LAMA1: variants seen among roughly 807,000 people sequenced by gnomAD.
The protein encoded by LAMA1 is laminin subunit alpha 1.
Under a neutral mutation model 348.7 loss-of-function variants are expected in LAMA1, and 219 were observed. That is an observed-to-expected ratio of 0.63 (90% CI 0.56 to 0.70). The LOEUF (loss-of-function observed/expected upper bound fraction) is 0.70. Ranked by LOEUF, LAMA1 falls within the 30% of genes least tolerant of loss-of-function variation. The probability of loss-of-function intolerance (pLI) is 0.00; values close to 1 mark genes in which losing one functional copy is unlikely to be tolerated. For missense variants in LAMA1, 3,744 were observed against 3,888.0 expected (o/e 0.96, Z 0.99); for synonymous variants, 1,487 against 1,491.0 (o/e 1.00, Z 0.06).
At chr18:6,953,040 T>C (rs1423111174) in intron 57 of LAMA1, among the ~76,000 whole-genome samples, 1 of 144,600 alleles carries the variant, frequency 6.9e-6, no homozygotes, top group Non-Finnish European at 1.6e-5. Context: ...ATGGGAGCCA[T>C]GTCTGCCTGT....
chr18:7,029,928 GAAC>G (rs1357376619), intron 16 of LAMA1, among the ~76,000 whole-genome samples: 4 of 150,224 alleles, frequency 2.7e-5, no homozygotes, highest in African/African-American at 9.8e-5. Flanking sequence ...CCAGGGCTAT[GAAC>G]AACTACACAA....
intron 13 of LAMA1, among the ~76,000 whole-genome samples, chr18:7,035,145 T>C (rs753561398): frequency 3.3e-5 from 5 of 152,170 alleles, no homozygotes; most frequent in Admixed American, 6.5e-5. Flanking sequence ...TGAAAGGACA[T>C]GAGAGACAAG....
intron 41 of LAMA1, among the ~76,000 whole-genome samples, chr18:6,981,870 T>TA (rs1454754859): frequency 6.6e-6 from 1 of 152,212 alleles, no homozygotes; most frequent in Non-Finnish European, 1.5e-5. Context: ...TTATTTGTTA[T>TA]AAAAAATTGT....
intron 31 of LAMA1, 72 bp downstream of exon 31, chr18:6,999,839 G>C: frequency 9.2e-6 from 13 of 1,408,164 alleles, no homozygotes; most frequent in Non-Finnish European, 1.3e-5. Flanking sequence ...GATTACTATA[G>C]TAAATATGCC....
intron 50 of LAMA1, 76 bp downstream of exon 50, chr18:6,965,212 A>G (rs1157765903): frequency 1.3e-6 from 2 of 1,582,310 alleles, no homozygotes; most frequent in Non-Finnish European, 1.7e-6. Context: ...CTGTGGAAAA[A>G]AAGAATGCTG....
intron 29 of LAMA1, among the ~76,000 whole-genome samples, chr18:7,002,600 C>T (rs984464930): frequency 2.0e-5 from 3 of 152,162 alleles, no homozygotes; most frequent in African/African-American, 4.8e-5. Context: ...TCATCCACTA[C>T]AGCCAAGAAA....
chr18:6,977,676 C>T, intron 44 of LAMA1, 51 bp downstream of exon 44: 1 of 1,609,492 alleles, frequency 6.2e-7, no homozygotes, highest in Non-Finnish European at 8.5e-7. Flanking sequence ...TTCCCTGGGA[C>T]CCCACATGAC....
chr18:6,980,556 T>C lies in LAMA1; in HGVS notation c.5972A>G (p.Asn1991Ser). 1 of 1,613,106 alleles carries C rather than the reference T, an allele frequency of 6.2e-7. No individual in the cohort carries two copies. Among genetic ancestry groups the C allele is most frequent in the Non-Finnish European group, 8.5e-7 (1 of 1,179,102 alleles). ...ENAVEITRQT[N>S]ESLLILRAIP... ...TGCTCTAAGTATCAAGAGTGATTCA[T>C]TGGTTTGCCTGGTAATTTCAACAGC... is the stretch of plus-strand genomic sequence containing the variant. Residue 1991 changes from asparagine to serine, a missense_variant, in exon 42 of 63, where the codon AAT becomes AGT. This residue lies in a region of LAMA1 where 1,983 missense variants were observed against 1,934.3 expected (regional missense o/e 1.03). Transcript: ENST00000389658.
intron 60 of LAMA1, among the ~76,000 whole-genome samples, chr18:6,947,904 G>T (rs1242172930): frequency 6.6e-6 from 1 of 152,148 alleles, no homozygotes; most frequent in African/African-American, 2.4e-5. Flanking sequence ...GGTGCAAGGG[G>T]AGCTGAGGCC....
At chr18:7,071,758 G>A (rs2058146886) in intron 3 of LAMA1, among the ~76,000 whole-genome samples, 1 of 152,200 alleles carries the variant, frequency 6.6e-6, no homozygotes, top group Non-Finnish European at 1.5e-5. Context: ...CAATGATGCA[G>A]AGCTCAGGCT....
At chr18:6,964,241 A>C (rs776129649) in intron 51 of LAMA1, 57 of 271,796 alleles carry the variant, frequency 2.1e-4, no homozygotes, top group Non-Finnish European at 2.5e-4. Context: ...AGCAGATGTT[A>C]CAGGTTGAAC....
At chr18:7,028,220 T>C (rs2057953269) in intron 16 of LAMA1, among the ~76,000 whole-genome samples, 2 of 152,192 alleles carry the variant, frequency 1.3e-5, no homozygotes, top group Non-Finnish European at 2.9e-5. Context: ...CACGTGCAAT[T>C]AGATTGGCGT....
rs919553591 is a variant in LAMA1, at chr18:7,016,758, G to A, written c.2809-87C>T. ...ATTAGTATGTTCCAGAACACACACA[G>A]GGTATTTCATAGAATCATAAAGTAT... is the stretch of plus-strand genomic sequence containing the variant. On this transcript the variant is annotated intron_variant, in intron 20 of 62. Coordinates refer to ENST00000389658, the MANE Select transcript of LAMA1 (RefSeq NM_005559.4). The A allele has an allele frequency of 4.2e-6, 5 of 1,197,954 alleles. No homozygotes were observed. The Admixed American group carries it at 6.6e-5, about 16-fold the overall frequency. 74.2% of individuals were successfully genotyped at this position (1,197,954 alleles called of 1,614,324 possible).
At chr18:6,955,759 C>T (rs2057573666) in intron 56 of LAMA1, 1 of 487,974 alleles carries the variant, frequency 2.0e-6, no homozygotes, top group African/African-American at 1.9e-5. Context: ...GCTTAAGGGG[C>T]AAAGGCCTTG....
At chr18:7,071,622 T>C (rs560827948) in intron 3 of LAMA1, among the ~76,000 whole-genome samples, 19 of 152,372 alleles carry the variant, frequency 1.2e-4, no homozygotes, top group Admixed American at 5.9e-4. Flanking sequence ...TTAATGCAGC[T>C]TTAACAATTA....
rs750476843 is a variant in LAMA1 at position 6,959,510 on chromosome 18, A to C, written c.7627-18T>G. The C allele has an allele frequency of 1.2e-6, 2 of 1,613,922 alleles. No homozygotes were observed. The highest frequency in any genetic ancestry group is 4.5e-5 in the East Asian group (2 of 44,874). ...AAGAAGGGCTGGGGAGGTTGCATAG[A>C]GAATTTCCCAGACAAAACACATTAC... On this transcript the variant is annotated intron_variant, in intron 53 of 62. Coordinates refer to ENST00000389658, the MANE Select transcript of LAMA1 (RefSeq NM_005559.4).
chr18:7,025,881 G>T, intron 17 of LAMA1, 98 bp downstream of exon 17: 2 of 1,488,540 alleles, frequency 1.3e-6, no homozygotes, highest in Non-Finnish European at 1.8e-6. Flanking sequence ...ATTCACACAC[G>T]TATTACACAC....
At chr18:7,093,059 A>G (rs1360132426) in intron 1 of LAMA1, among the ~76,000 whole-genome samples, 1 of 152,192 alleles carries the variant, frequency 6.6e-6, no homozygotes, top group East Asian at 1.9e-4. Flanking sequence ...TGGGTTTTCC[A>G]TGCTGTGTAC....
intron 44 of LAMA1, 30 bp from the exon 45 acceptor site, chr18:6,976,110 C>A: frequency 6.2e-7 from 1 of 1,613,032 alleles, no homozygotes; most frequent in Non-Finnish European, 8.5e-7. Context: ...GTGTCCCCAT[C>A]ATTTAGTGAC....
Sources: gnomAD v4.1 joint callset for allele counts (sites outside exome capture counted in the v4.1 genomes callset) on GRCh38, gnomAD v4.1.1 for gene constraint, gnomAD v4.1.1 regional missense constraint, MANE v1.5 for transcripts, NCBI Gene and HGNC (gene_info 2026-07-23, HGNC 2026-07-21) for gene names.